Variants in MRTFA observed in about 807,000 individuals in gnomAD.
The protein encoded by MRTFA is myocardin-related transcription factor A.
A neutral mutation model predicts 83.5 loss-of-function variants in MRTFA; 20 were observed. The ratio of observed to expected loss-of-function variants is 0.24; its 90% CI spans 0.17 to 0.35. The LOEUF is 0.35. Ranked by LOEUF, MRTFA falls within the 10% of genes least tolerant of loss-of-function variation. MRTFA has a pLI of 1.00. For missense variants in MRTFA, 1,200 were observed against 1,224.7 expected, an observed-to-expected ratio of 0.98 and a Z score of 0.30; for synonymous variants, 659 against 541.2, an observed-to-expected ratio of 1.22 and a Z score of -3.02.
At chr22:40,534,381 G>C (rs2055131485) in intron 3 of MRTFA, among the ~76,000 whole-genome samples, 1 of 152,200 alleles carries the variant, frequency 6.6e-6, no homozygotes, top group South Asian at 2.1e-4. Flanking sequence ...TCCCCTAAAA[G>C]AGCCTCTTAC....
chr22:40,634,427 T>C (rs1181760950), intron 1 of MRTFA, among the ~76,000 whole-genome samples: 1 of 152,232 alleles, frequency 6.6e-6, no homozygotes, highest in African/African-American at 2.4e-5. Context: ...TATTTCTCTT[T>C]GGAATTTCCT....
At chr22:40,454,575 C>A (rs187218452) in intron 4 of MRTFA, among the ~76,000 whole-genome samples, 1 of 152,270 alleles carries the variant, frequency 6.6e-6, no homozygotes, top group Admixed American at 6.5e-5. Flanking sequence ...AAAGCACGAA[C>A]AATACATCAT....
At chr22:40,513,412 C>A (rs1257816508) in intron 3 of MRTFA, among the ~76,000 whole-genome samples, 1 of 151,456 alleles carries the variant, frequency 6.6e-6, no homozygotes, top group Non-Finnish European at 1.5e-5. Flanking sequence ...ACCAGCCTGG[C>A]CAACATGGTG....
Position 40,419,109 on chromosome 22 carries a change from C to T in MRTFA, c.1629G>A (p.Lys543=), listed in dbSNP as rs1602208299. ...GGGGCGTGGAGCCCGTGCTGCCAAA[C>T]TTCACCACCCCACTGCTGGCCACCG... The change falls in exon 12 of 15, where the codon AAG becomes AAA. Residue 543 remains lysine (K), a synonymous_variant. Coordinates refer to ENST00000355630, the MANE Select transcript of MRTFA (RefSeq NM_020831.6). 3 of 1,594,374 alleles carry T rather than the reference C, an allele frequency of 1.9e-6. No individual in the cohort carries two copies. Among genetic ancestry groups the T allele is most frequent in the African/African-American group, 2.7e-5 (2 of 74,232 alleles).
intron 1 of MRTFA, among the ~76,000 whole-genome samples, chr22:40,631,371 TTATA>T (rs2056640329): frequency 6.6e-6 from 1 of 152,178 alleles, no homozygotes; most frequent in Non-Finnish European, 1.5e-5. Flanking sequence ...TCCAAGGACT[TTATA>T]TATTTTTATT....
At chr22:40,616,207 T>C (rs1336138564) in intron 1 of MRTFA, among the ~76,000 whole-genome samples, 3 of 152,174 alleles carry the variant, frequency 2.0e-5, no homozygotes, top group Admixed American at 2.0e-4. Flanking sequence ...ATACTAGAAC[T>C]AACAAGTGGA....
At chr22:40,425,132 CTG>C (rs1289680692) in intron 7 of MRTFA, among the ~76,000 whole-genome samples, 6 of 152,222 alleles carry the variant, frequency 3.9e-5, no homozygotes, top group African/African-American at 1.4e-4. Context: ...CTCTGGATGA[CTG>C]TGAATGCAAG....
chr22:40,525,169 T>C (rs1026696253), intron 3 of MRTFA, among the ~76,000 whole-genome samples: 1 of 152,074 alleles, frequency 6.6e-6, no homozygotes, highest in Non-Finnish European at 1.5e-5. Context: ...ATCAGAAAGA[T>C]ACAGGAAAAC....
chr22:40,519,917 C>G (rs1301490505), intron 3 of MRTFA, among the ~76,000 whole-genome samples: 1 of 152,160 alleles, frequency 6.6e-6, no homozygotes. Context: ...CTTACAACAA[C>G]TAGAGATAAT....
chr22:40,627,100 AC>A (rs1293433175), intron 1 of MRTFA, among the ~76,000 whole-genome samples: 1 of 152,060 alleles, frequency 6.6e-6, no homozygotes, highest in Non-Finnish European at 1.5e-5. Context: ...TGAAACACTG[AC>A]AAAAAAAAAA....
rs557449756 is a variant in MRTFA, at chr22:40,619,822, G to A, written c.-84+16656C>T. On this transcript the variant is annotated intron_variant, in intron 1 of 14. Coordinates refer to ENST00000355630, the MANE Select transcript of MRTFA (RefSeq NM_020831.6). ...GAAGAATGGTGCAAACCTGGGAGGT[G>A]GAGCTTGCAGTGAGCCGAGATCACA... Among the ~76,000 whole-genome samples, 6 of 145,274 alleles carry A rather than the reference G, an allele frequency of 4.1e-5. 1 individual carries two copies. Among genetic ancestry groups the A allele is most frequent in the Admixed American group, 3.4e-4 (5 of 14,760 alleles).
chr22:40,550,719 T>C (rs933899953), intron 3 of MRTFA, among the ~76,000 whole-genome samples: 3 of 152,186 alleles, frequency 2.0e-5, no homozygotes, highest in Non-Finnish European at 4.4e-5. Flanking sequence ...TACAGACATA[T>C]TTGGCAATGA....
intron 3 of MRTFA, 176 bp from the exon 4 acceptor site, chr22:40,463,462 C>G (rs972244246): frequency 8.7e-6 from 5 of 573,796 alleles, no homozygotes; most frequent in African/African-American, 1.9e-5. Flanking sequence ...GCAGAGTTTC[C>G]GTATTCTGCT....
intron 2 of MRTFA, among the ~76,000 whole-genome samples, chr22:40,585,914 A>G (rs2056020835): frequency 1.3e-5 from 2 of 152,246 alleles, no homozygotes. Context: ...TCCTAGGCCA[A>G]CATCAACATC....
At chr22:40,547,050 G>T (rs1211523709) in intron 3 of MRTFA, among the ~76,000 whole-genome samples, 1 of 152,020 alleles carries the variant, frequency 6.6e-6, no homozygotes, top group Admixed American at 6.6e-5. Context: ...AGCTACTCGG[G>T]AGGCTGAGGC....
At chr22:40,494,657 G>C (rs932777332) in intron 3 of MRTFA, among the ~76,000 whole-genome samples, 2 of 151,526 alleles carry the variant, frequency 1.3e-5, no homozygotes, top group African/African-American at 4.9e-5. Flanking sequence ...CTCCAGCCTG[G>C]GTAACAGAGC....
intron 4 of MRTFA, among the ~76,000 whole-genome samples, chr22:40,436,916 G>C (rs974753045): frequency 3.3e-5 from 5 of 152,132 alleles, no homozygotes; most frequent in Non-Finnish European, 7.4e-5. Flanking sequence ...CTGGGCCGTT[G>C]TGCTTCTTCC....
rs1473843226 is a variant in MRTFA at position 40,419,165 on chromosome 22, C to A, written c.1573G>T (p.Gly525Cys). Reference sequence around the variant, plus strand: ...ACCACCACCTCAGCTGGAGCCAGGCCTGCTGCCACCAGGGCTGGCCCCGTG... The same window carrying A: ...ACCACCACCTCAGCTGGAGCCAGGCATGCTGCCACCAGGGCTGGCCCCGTG... Residue 525 changes from glycine (G) to cysteine (C), a missense_variant, in exon 12 of 15, where the codon GGC becomes TGC. Gly to Cys is a radical substitution (Grantham distance 159). Coordinates refer to ENST00000355630, the MANE Select transcript of MRTFA (RefSeq NM_020831.6). 8.2e-6 allele frequency: 13 copies of A among 1,584,426 alleles called. No individual in the cohort carries two copies. The highest frequency in any genetic ancestry group is 1.1e-5 in the Non-Finnish European group (13 of 1,165,176).
chr22:40,529,969 G>C (rs989862438), intron 3 of MRTFA, among the ~76,000 whole-genome samples: 4 of 152,120 alleles, frequency 2.6e-5, no homozygotes, highest in African/African-American at 9.7e-5. Context: ...ATACATACAT[G>C]CACAAGACAG....
Sources: gnomAD v4.1 joint callset for allele counts (sites outside exome capture counted in the v4.1 genomes callset) on GRCh38, gnomAD v4.1.1 for gene constraint, MANE v1.5 for transcripts, NCBI Gene and HGNC (gene_info 2026-07-23, HGNC 2026-07-21) for gene names.